PCNT: variants seen among roughly 807,000 people sequenced by gnomAD.
The protein encoded by PCNT is kendrin.
In PCNT, 319 loss-of-function variants were observed where a neutral mutation model predicts 380.4. That is an observed-to-expected ratio of 0.84 (90% CI 0.77 to 0.92). The LOEUF (loss-of-function observed/expected upper bound fraction) is 0.92. Among genes scored for constraint, PCNT ranks in the 40% least tolerant of loss-of-function variants. PCNT has a pLI of 0.00. For synonymous variants in PCNT, 1,845 were observed against 1,735.2 expected (o/e 1.06, Z -1.57); for missense variants, 4,400 against 4,255.3 (o/e 1.03, Z -0.95).
intron 39 of PCNT, 143 bp downstream of exon 39, chr21:46,436,291 C>A: frequency 1.0e-6 from 1 of 969,928 alleles, no homozygotes; most frequent in South Asian, 1.4e-5. Flanking sequence ...TGAGACTTTG[C>A]TGAGGGATTC....
chr21:46,393,779 G>C (rs4818837), intron 21 of PCNT, among the ~76,000 whole-genome samples: 19,622 of 152,182 alleles, frequency 0.13, 1,336 homozygotes, highest in South Asian at 0.21. Context: ...GTGGTGGCCC[G>C]TCTGCTGCCT....
chr21:46,352,346 C>T (rs141790505), intron 9 of PCNT, among the ~76,000 whole-genome samples: 178 of 152,222 alleles, frequency 1.2e-3, no homozygotes, highest in South Asian at 3.1e-3. Flanking sequence ...GAGAGCATGT[C>T]GATTTATCTT....
chr21:46,438,822 G>A (rs1049107246), intron 41 of PCNT, among the ~76,000 whole-genome samples: 2 of 151,770 alleles, frequency 1.3e-5, no homozygotes, highest in African/African-American at 2.4e-5. Flanking sequence ...ACAAGTGCCC[G>A]CCACCACACA....
At position 46,431,524 on chromosome 21, in the gene PCNT, T is replaced by C. The variant is rs2087762743; in HGVS notation, c.8065-5T>C. The C allele has an allele frequency of 6.2e-7, 1 of 1,613,886 alleles. No homozygotes were observed. The highest frequency in any genetic ancestry group is 1.3e-5 in the African/African-American group (1 of 74,938). ...TGTCTCCCATCGTATGTGTTTGCTG[T>C]CTAGGAGCTGCGGGCGTCTTTGGAG... On this transcript the variant is annotated splice_polypyrimidine_tract_variant and splice_region_variant and intron_variant, in intron 37 of 46. Coordinates refer to ENST00000359568, the MANE Select transcript of PCNT (RefSeq NM_006031.6).
Position 46,425,287 on chromosome 21 carries a change from G to A in PCNT, c.7180-544G>A, listed in dbSNP as rs746212744. Among the ~76,000 whole-genome samples, 2 of 152,220 alleles carry A rather than the reference G, an allele frequency of 1.3e-5. No individual in the cohort carries two copies. Among genetic ancestry groups the A allele is most frequent in the African/African-American group, 2.4e-5 (1 of 41,460 alleles). ...CCGCCTCGTGTTCACAGACCTGTGG[G>A]CAGGGCCTGCTGGGGATGGTTTTCT... On this transcript the variant is annotated intron_variant, in intron 32 of 46. Transcript: ENST00000359568. This position sits in a 1 kb window ranked among gnomAD's most constrained non-coding sequence, Gnocchi z 4.2.
chr21:46,386,082 C>A, intron 17 of PCNT, 99 bp downstream of exon 17: 1 of 1,445,172 alleles, frequency 6.9e-7, no homozygotes, highest in Non-Finnish European at 9.6e-7. Flanking sequence ...CCCGTGGCTG[C>A]TGCCACCATG....
In PCNT at chr21:46,334,347, C is replaced by T. The variant is rs754544322; in HGVS notation, c.268-50C>T. The T allele has an allele frequency of 6.8e-6, 11 of 1,613,046 alleles. No individual in the cohort carries two copies. In the South Asian group the frequency reaches 9.9e-5, roughly 15 times the overall value. ...AGGAGCTGGGAAGGGCCTGAGGCTGCAGCCCTAGACCTTGCTTTAAATGCT... is the reference window on the plus strand; with the variant it reads ...AGGAGCTGGGAAGGGCCTGAGGCTGTAGCCCTAGACCTTGCTTTAAATGCT... On this transcript the variant is annotated intron_variant, in intron 2 of 46. Transcript: ENST00000359568.
chr21:46,400,250 T>C (rs1435975388), intron 25 of PCNT, among the ~76,000 whole-genome samples: 1 of 152,126 alleles, frequency 6.6e-6, no homozygotes, highest in African/African-American at 2.4e-5. Flanking sequence ...TGTGTTCGTT[T>C]GTGTCTGAGA....
chr21:46,386,011 C>T (rs1428833199), intron 17 of PCNT, 28 bp downstream of exon 17: 3 of 1,612,636 alleles, frequency 1.9e-6, no homozygotes, highest in African/African-American at 1.3e-5. Context: ...ACCGAGGCTG[C>T]CTTGTGGCCG....
chr21:46,440,122 C>G lies in PCNT; in HGVS notation c.9313C>G (p.Pro3105Ala), dbSNP rs751207359. Residue 3105 changes from proline (P) to alanine (A), a missense_variant, in exon 42 of 47, where the codon CCA becomes GCA. Physicochemically the swap from Pro to Ala is conservative, Grantham distance 27. Coordinates refer to ENST00000359568, the MANE Select transcript of PCNT (RefSeq NM_006031.6). Reference protein sequence around the residue: ...RSAWKPDETAPQSSLRRPDPG... With the variant: ...RSAWKPDETAAQSSLRRPDPG... ...TGCTTGGAAGCCAGACGAAACGGCT[C>G]CACAGAGTTCCCTGAGGCGCCCAGA... 1.9e-6 allele frequency: 3 copies of G among 1,614,140 alleles called. No homozygotes were observed. The highest frequency in any genetic ancestry group is 2.5e-6 in the Non-Finnish European group (3 of 1,180,016).
chr21:46,386,112 C>T (rs934809557), intron 17 of PCNT, 129 bp downstream of exon 17: 26 of 1,064,516 alleles, frequency 2.4e-5, no homozygotes, highest in Admixed American at 1.9e-4. Context: ...TCCTGGTGGA[C>T]GGGGACCCGG....
intron 17 of PCNT, among the ~76,000 whole-genome samples, chr21:46,387,341 C>T (rs1043391561): frequency 1.3e-5 from 2 of 152,302 alleles, no homozygotes; most frequent in Admixed American, 6.5e-5. Context: ...TGACTCTCTC[C>T]AGTCACCCAG....
chr21:46,366,500 C>T (rs1206559284), intron 14 of PCNT, 84 bp from the exon 15 acceptor site: 2 of 1,129,766 alleles, frequency 1.8e-6, no homozygotes, highest in Non-Finnish European at 2.7e-6. Context: ...GTGGCATTTC[C>T]TGTGGGAAAC....
intron 40 of PCNT, 60 bp from the exon 41 acceptor site, chr21:46,438,104 C>G: frequency 7.5e-7 from 1 of 1,334,584 alleles, no homozygotes; most frequent in South Asian, 1.2e-5. Context: ...ACAAAAAACA[C>G]AAGTAATGTT....
chr21:46,328,112 C>G (rs912958811), intron 2 of PCNT, among the ~76,000 whole-genome samples: 4 of 152,234 alleles, frequency 2.6e-5, no homozygotes, highest in African/African-American at 9.6e-5. Context: ...AAGGCAGAAT[C>G]TGGCTCAAGG....
chr21:46,397,064 A>G (rs2086234433), intron 21 of PCNT, among the ~76,000 whole-genome samples: 1 of 152,150 alleles, frequency 6.6e-6, no homozygotes, highest in African/African-American at 2.4e-5. Context: ...AATCACCCAC[A>G]TGTCACTCAG....
rs890440487 is a variant in PCNT, at chr21:46,397,934, T to C, written c.4447-80T>C. On this transcript the variant is annotated intron_variant, in intron 22 of 46. Coordinates refer to ENST00000359568, the MANE Select transcript of PCNT (RefSeq NM_006031.6). ...TGGGCAGTTGCACTTGTACGTGCAG[T>C]GGAAGCCTGGGTGGACCTTCGCTGC... 4 of 1,065,852 alleles carry C rather than the reference T, an allele frequency of 3.8e-6. No homozygotes were observed. In the African/African-American group the frequency reaches 6.3e-5, roughly 17 times the overall value. The allele number at this position is 1,065,852 out of a possible 1,614,324, so 66.0% of individuals were successfully genotyped here. A position where few individuals can be genotyped will look rare whatever the true frequency, so the allele number is the denominator to read the frequency against.
intron 4 of PCNT, 112 bp from the exon 5 acceptor site, chr21:46,346,631 C>T: frequency 1.5e-6 from 2 of 1,328,012 alleles, no homozygotes; most frequent in South Asian, 2.5e-5. Context: ...GGGATGTCTG[C>T]TGTTTCATTT....
At position 46,359,491 on chromosome 21, in the gene PCNT, G is replaced by GTTTTTT. The variant is rs1219693835; in HGVS notation, c.2154+2311_2154+2316dup. The stretch of plus-strand genomic sequence containing the variant: ...CCAAAAATACACCTGTTTTTTTTTT[G>GTTTTTT]TTTTTTTTTTTTTTTTGAGACAGTG... On this transcript the variant is annotated intron_variant, in intron 13 of 46. Coordinates refer to ENST00000359568, the MANE Select transcript of PCNT (RefSeq NM_006031.6). 7.6e-5 allele frequency among the ~76,000 whole-genome samples: 5 copies of GTTTTTT among 66,074 alleles called. No homozygotes were observed. The South Asian group carries it at 2.3e-3, about 31-fold the overall frequency. The allele number at this position is 66,074 out of a possible 152,430, so 43.3% of individuals were successfully genotyped here. A position where few individuals can be genotyped will look rare whatever the true frequency, so the allele number is the denominator to read the frequency against.
Sources: gnomAD v4.1 joint callset for allele counts (sites outside exome capture counted in the v4.1 genomes callset) on GRCh38, gnomAD v4.1.1 for gene constraint, Gnocchi (gnomAD v3.1) non-coding constraint, MANE v1.5 for transcripts, NCBI Gene and HGNC (gene_info 2026-07-23, HGNC 2026-07-21) for gene names.